Variants in CSGALNACT1 observed in about 807,000 individuals in gnomAD.
The protein encoded by CSGALNACT1 is chondroitin sulfate N-acetylgalactosaminyltransferase 1, also known as beta4GalNAcT-1.
A neutral mutation model predicts 51.0 loss-of-function variants in CSGALNACT1; 52 were observed. That is an observed-to-expected ratio of 1.02 (90% CI 0.82 to 1.29). CSGALNACT1 has a LOEUF of 1.29. CSGALNACT1 is among the 50% of genes most tolerant of loss of function. CSGALNACT1 has a pLI of 0.00. For synonymous variants in CSGALNACT1, 341 were observed against 254.4 expected (o/e 1.34, Z -3.24); for missense variants, 935 against 679.2 (o/e 1.38, Z -4.19).
intron 4 of CSGALNACT1, among the ~76,000 whole-genome samples, chr8:19,499,544 TCAC>T (rs1440840276): frequency 1.3e-5 from 2 of 152,150 alleles, no homozygotes; most frequent in Non-Finnish European, 2.9e-5. Flanking sequence ...GACAGCAAAA[TCAC>T]CACAACACAA....
chr8:19,552,068 A>C (rs945489506), intron 3 of CSGALNACT1, among the ~76,000 whole-genome samples: 2 of 152,224 alleles, frequency 1.3e-5, no homozygotes, highest in African/African-American at 2.4e-5. Context: ...TATAAATGAC[A>C]TGGAGAGATT....
chr8:19,700,362 C>T (rs1394180292), intron 1 of CSGALNACT1, among the ~76,000 whole-genome samples: 2 of 152,060 alleles, frequency 1.3e-5, no homozygotes, highest in African/African-American at 4.8e-5. Flanking sequence ...GCCATGGTGT[C>T]CTTCCTTATT....
intron 1 of CSGALNACT1, among the ~76,000 whole-genome samples, chr8:19,755,454 G>GAAAAAAAAAAA (rs2065296940): frequency 1.2e-4 from 1 of 8,358 alleles, no homozygotes; most frequent in Non-Finnish European, 2.8e-4. Flanking sequence ...TGTAAAGAAA[G>GAAAAAAAAAAA]ACAAAAAAAA....
At chr8:19,655,393 C>T (rs2058170028) in intron 1 of CSGALNACT1, among the ~76,000 whole-genome samples, 1 of 152,062 alleles carries the variant, frequency 6.6e-6, no homozygotes, top group Admixed American at 6.6e-5. Context: ...TAGGGTCTCA[C>T]TCTGTTGTGC....
chr8:19,499,042 G>A (rs1172473338), intron 4 of CSGALNACT1, among the ~76,000 whole-genome samples: 1 of 152,192 alleles, frequency 6.6e-6, no homozygotes, highest in Admixed American at 6.5e-5. Context: ...TTGAGCCCAG[G>A]AAGTTGAGGC....
At chr8:19,458,380 A>T in intron 5 of CSGALNACT1, 46 bp downstream of exon 4, 2 of 1,438,504 alleles carry the variant, frequency 1.4e-6, no homozygotes, top group Non-Finnish European at 2.0e-6. Context: ...TCAGTGTTCT[A>T]ACACACATCA....
chr8:19,679,221 G>C (rs975515931), intron 1 of CSGALNACT1, among the ~76,000 whole-genome samples: 1 of 152,198 alleles, frequency 6.6e-6, no homozygotes, highest in African/African-American at 2.4e-5. Flanking sequence ...GGGAGGCCGA[G>C]TAACGTGGAT....
chr8:19,427,289 T>G (rs931874841), intron 6 of CSGALNACT1, among the ~76,000 whole-genome samples: 1 of 152,252 alleles, frequency 6.6e-6, no homozygotes, highest in Non-Finnish European at 1.5e-5. Flanking sequence ...ATCAGCTGAT[T>G]AGAATTCACC....
At chr8:19,495,269 T>G (rs2075251803) in intron 4 of CSGALNACT1, 1 of 152,178 alleles carries the variant, frequency 6.6e-6, no homozygotes, top group Non-Finnish European at 1.5e-5. Context: ...AAATTTACAA[T>G]GCCAGGAAAT....
intron 3 of CSGALNACT1, among the ~76,000 whole-genome samples, chr8:19,573,426 T>C (rs940413060): frequency 2.0e-5 from 3 of 152,112 alleles, no homozygotes; most frequent in African/African-American, 7.2e-5. Context: ...TAAGAGTCAC[T>C]TAAGTCATGA....
At chr8:19,599,072 A>G (rs1224000301) in intron 2 of CSGALNACT1, among the ~76,000 whole-genome samples, 2 of 151,778 alleles carry the variant, frequency 1.3e-5, no homozygotes, top group Non-Finnish European at 2.9e-5. Context: ...GCTGGGGAGG[A>G]GTGAGCAGAA....
intron 3 of CSGALNACT1, among the ~76,000 whole-genome samples, chr8:19,550,343 C>G (rs1233683233): frequency 1.3e-5 from 2 of 152,134 alleles, no homozygotes; most frequent in Admixed American, 1.3e-4. Flanking sequence ...CTTGTATCCT[C>G]CTCTGCCATG....
chr8:19,752,374 C>A (rs1048811137), intron 1 of CSGALNACT1, among the ~76,000 whole-genome samples: 1 of 152,008 alleles, frequency 6.6e-6, no homozygotes. Flanking sequence ...GGCTGAGCAC[C>A]CGACATGGAA....
chr8:19,597,223 G>T (rs1474460577), intron 2 of CSGALNACT1, among the ~76,000 whole-genome samples: 1 of 150,088 alleles, frequency 6.7e-6, no homozygotes, highest in Non-Finnish European at 1.5e-5. Context: ...TATACATACT[G>T]CATTTCGTGT....
At chr8:19,425,245 G>T (rs2058594781) in intron 6 of CSGALNACT1, among the ~76,000 whole-genome samples, 1 of 152,174 alleles carries the variant, frequency 6.6e-6, no homozygotes. Context: ...GGAGGCTGAG[G>T]CAGGAGAATC....
intron 3 of CSGALNACT1, among the ~76,000 whole-genome samples, chr8:19,543,623 T>A (rs1392933071): frequency 6.6e-6 from 1 of 152,204 alleles, no homozygotes; most frequent in Non-Finnish European, 1.5e-5. Context: ...AGAAACTGCA[T>A]ACATGTGGCT....
At chr8:19,501,438 A>C (rs1185152199) in intron 4 of CSGALNACT1, among the ~76,000 whole-genome samples, 2 of 152,066 alleles carry the variant, frequency 1.3e-5, no homozygotes, top group Non-Finnish European at 2.9e-5. Context: ...ACACATTCAA[A>C]CCACAGCACC....
intron 5 of CSGALNACT1, among the ~76,000 whole-genome samples, chr8:19,444,686 C>T (rs763510522): frequency 3.3e-5 from 5 of 152,138 alleles, no homozygotes; most frequent in Admixed American, 6.5e-5. Flanking sequence ...AAGAAATGAC[C>T]GCCTTCCTGG....
chr8:19,628,726 T>A (rs1355008643), intron 1 of CSGALNACT1, among the ~76,000 whole-genome samples: 1 of 151,966 alleles, frequency 6.6e-6, no homozygotes, highest in Non-Finnish European at 1.5e-5. Flanking sequence ...AGCAATCTCT[T>A]CGCTTCAGTC....
Sources: allele counts gnomAD v4.1 joint callset (sites outside exome capture counted in the v4.1 genomes callset), GRCh38; gene constraint gnomAD v4.1.1; transcripts MANE v1.5; gene names NCBI Gene and HGNC (gene_info 2026-07-23, HGNC 2026-07-21).